The following SLC9B1 variants were observed in gnomAD, a reference collection of about 807,000 sequenced individuals.
SLC9B1 encodes sodium/hydrogen exchanger 9B1.
In SLC9B1, 32 loss-of-function variants were observed where a neutral mutation model predicts 51.7. That is an observed-to-expected ratio of 0.62 (90% CI 0.47 to 0.83). The LOEUF (loss-of-function observed/expected upper bound fraction) is 0.83. Among genes scored for constraint, SLC9B1 ranks in the 40% least tolerant of loss-of-function variants. The probability of loss-of-function intolerance (pLI) is 0.00; values close to 1 mark genes in which losing one functional copy is unlikely to be tolerated. For synonymous variants in SLC9B1, 145 were observed against 212.7 expected, an observed-to-expected ratio of 0.68 and a Z score of 2.77; for missense variants, 406 against 613.2, an observed-to-expected ratio of 0.66 and a Z score of 3.57.
chr4:102,902,700 G>A (rs1734846522), intron 11 of SLC9B1, among the ~76,000 whole-genome samples: 1 of 151,968 alleles, frequency 6.6e-6, no homozygotes, highest in African/African-American at 2.4e-5. Flanking sequence ...TATTATGTGA[G>A]GACTTTATTA....
intron 1 of SLC9B1, among the ~76,000 whole-genome samples, chr4:103,013,545 T>G (rs1741182946): frequency 6.6e-6 from 1 of 152,252 alleles, no homozygotes; most frequent in South Asian, 2.1e-4. Flanking sequence ...CAATTCTAAC[T>G]AATATGCTGA....
rs1410808257 is a variant in SLC9B1 at position 102,951,958 on chromosome 4, A to ATTTTTT, written c.212-2532_212-2531insAAAAAA. 1.7e-3 allele frequency among the ~76,000 whole-genome samples: 14 copies of ATTTTTT among 8,222 alleles called. 4 individuals carry two copies. Among genetic ancestry groups the ATTTTTT allele is most frequent in the African/African-American group, 5.9e-3 (12 of 2,042 alleles). The allele number at this position is 8,222 out of a possible 152,430, so 5.4% of individuals were successfully genotyped here. A position where few individuals can be genotyped will look rare whatever the true frequency, so the allele number is the denominator to read the frequency against. ...ATAGACTACCAAAGGCAAAAATAAA[A>ATTTTTT]TCTTTTTTTTTTTTTTTTTTTTATT... is the stretch of plus-strand genomic sequence containing the variant. On this transcript the variant is annotated intron_variant, in intron 3 of 11. Coordinates refer to ENST00000296422, the MANE Select transcript of SLC9B1 (RefSeq NM_139173.4).
intron 1 of SLC9B1, among the ~76,000 whole-genome samples, chr4:103,016,255 A>T (rs2110547699): frequency 6.6e-6 from 1 of 152,026 alleles, no homozygotes; most frequent in African/African-American, 2.4e-5. Context: ...CTTCACTCCT[A>T]AAATATACAC....
chr4:102,945,246 A>G lies in SLC9B1; in HGVS notation c.600T>C (p.Ala200=), dbSNP rs1737211321. 1.9e-6 allele frequency: 3 copies of G among 1,609,494 alleles called. No homozygotes were observed. Among genetic ancestry groups the G allele is most frequent in the African/African-American group, 1.3e-5 (1 of 74,896 alleles). The part of the protein sequence containing the change: ...GPCLMEASAA[A]VFSHFIMKFP... Reference sequence around the variant, plus strand: ...ATTTCATAATGAAGTGTGAAAAAACAGCAGCTGCACTTGCCTCCATAAGGC... The same window carrying G: ...ATTTCATAATGAAGTGTGAAAAAACGGCAGCTGCACTTGCCTCCATAAGGC... Residue 200 remains alanine (A), a synonymous_variant, in exon 6 of 12, where the codon GCT becomes GCC. Coordinates refer to ENST00000296422, the MANE Select transcript of SLC9B1 (RefSeq NM_139173.4).
intron 3 of SLC9B1, among the ~76,000 whole-genome samples, chr4:102,978,966 A>G (rs1739216168): frequency 6.6e-6 from 1 of 152,210 alleles, no homozygotes; most frequent in Non-Finnish European, 1.5e-5. Flanking sequence ...ACATGGTTAT[A>G]CTCATTATTA....
At chr4:102,996,606 T>A (rs1740233084) in intron 1 of SLC9B1, among the ~76,000 whole-genome samples, 1 of 152,204 alleles carries the variant, frequency 6.6e-6, no homozygotes. Context: ...AAAGTTTATT[T>A]TTCCCATATC....
At chr4:102,931,242 A>G (rs1736440630) in intron 7 of SLC9B1, among the ~76,000 whole-genome samples, 2 of 151,240 alleles carry the variant, frequency 1.3e-5, no homozygotes, top group Non-Finnish European at 1.5e-5. Context: ...AAAAAAAAGA[A>G]CATATTGGTC....
intron 3 of SLC9B1, among the ~76,000 whole-genome samples, chr4:102,975,165 C>T (rs111969990): frequency 7.0e-6 from 1 of 143,796 alleles, no homozygotes; most frequent in East Asian, 2.1e-4. Context: ...CAATGCCTAG[C>T]TAATTTTAAA....
chr4:102,889,420 A>C (rs758820919), intron 11 of SLC9B1: 2 of 152,178 alleles, frequency 1.3e-5, no homozygotes, highest in African/African-American at 2.4e-5. Context: ...TTTTTGTAAA[A>C]TCTATCACTG....
chr4:102,951,204 C>T (rs1578374148), intron 3 of SLC9B1, among the ~76,000 whole-genome samples: 1 of 151,998 alleles, frequency 6.6e-6, no homozygotes, highest in Non-Finnish European at 1.5e-5. Context: ...GGTTAGGGAT[C>T]CCAAAGTTCT....
intron 7 of SLC9B1, among the ~76,000 whole-genome samples, chr4:102,916,593 A>G (rs1735589147): frequency 6.6e-6 from 1 of 152,216 alleles, no homozygotes; most frequent in Non-Finnish European, 1.5e-5. Context: ...GACCTATCTG[A>G]CATATACAGA....
At chr4:102,906,194 C>T (rs1231321992) in intron 10 of SLC9B1, 7 of 162,170 alleles carry the variant, frequency 4.3e-5, no homozygotes, top group African/African-American at 1.7e-4. Context: ...TTCGGCCTCC[C>T]AAAGTAAGAT....
At chr4:102,902,521 C>T (rs2110422518) in intron 11 of SLC9B1, among the ~76,000 whole-genome samples, 1 of 151,902 alleles carries the variant, frequency 6.6e-6, no homozygotes, top group South Asian at 2.1e-4. Context: ...AAAGAACTTC[C>T]AACAGAAAAA....
chr4:103,012,040 T>A (rs997414639), intron 1 of SLC9B1, among the ~76,000 whole-genome samples: 6 of 152,236 alleles, frequency 3.9e-5, no homozygotes, highest in African/African-American at 1.4e-4. Flanking sequence ...CTGAACTCAG[T>A]CTTTACAACC....
intron 3 of SLC9B1, among the ~76,000 whole-genome samples, chr4:102,983,586 C>G (rs1245691638): frequency 1.3e-5 from 2 of 152,138 alleles, no homozygotes; most frequent in Non-Finnish European, 2.9e-5. Context: ...TTCATATTAT[C>G]CACTTCCTCT....
chr4:102,896,748 C>T (rs1404784995), downstream of SLC9B1: 2 of 152,230 alleles, frequency 1.3e-5, no homozygotes, highest in Non-Finnish European at 2.9e-5. Flanking sequence ...ACATTAGGTG[C>T]TTTGTGGTGA....
chr4:102,948,614 C>T (rs1337456863), intron 4 of SLC9B1, among the ~76,000 whole-genome samples: 4 of 152,034 alleles, frequency 2.6e-5, no homozygotes, highest in Non-Finnish European at 4.4e-5. Context: ...ACATATACAC[C>T]ATGGAATGCT....
chr4:102,975,329 AC>A (rs1464130609), intron 3 of SLC9B1, among the ~76,000 whole-genome samples: 2 of 151,826 alleles, frequency 1.3e-5, no homozygotes, highest in African/African-American at 4.8e-5. Context: ...TTAATAAGTC[AC>A]CCCATGTTTG....
At chr4:102,914,482 A>G (rs1735490809) in intron 7 of SLC9B1, among the ~76,000 whole-genome samples, 1 of 152,110 alleles carries the variant, frequency 6.6e-6, no homozygotes, top group Admixed American at 6.6e-5. Flanking sequence ...CAAACCATGA[A>G]CTGAATACCT....
Sources: allele counts gnomAD v4.1 joint callset (sites outside exome capture counted in the v4.1 genomes callset), GRCh38; gene constraint gnomAD v4.1.1; transcripts MANE v1.5; gene names NCBI Gene and HGNC (gene_info 2026-07-23, HGNC 2026-07-21).